Variants in SMYD3 observed in about 807,000 individuals in gnomAD.
The protein encoded by SMYD3 is SET and MYND domain containing 3, also known as histone-lysine N-methyltransferase SMYD3.
A neutral mutation model predicts 57.7 loss-of-function variants in SMYD3; 36 were observed. The observed-to-expected ratio is 0.62, with a 90% CI of 0.48 to 0.82. The LOEUF (loss-of-function observed/expected upper bound fraction) is 0.82. Ranked by LOEUF, SMYD3 falls within the 40% of genes least tolerant of loss-of-function variation. The pLI, the probability that SMYD3 is intolerant of heterozygous loss-of-function variation, is 0.00. For synonymous variants in SMYD3, 211 were observed against 195.0 expected, an observed-to-expected ratio of 1.08 and a Z score of -0.68; for missense variants, 515 against 538.8, an observed-to-expected ratio of 0.96 and a Z score of 0.44.
At chr1:246,205,176 A>T (rs565962377) in intron 5 of SMYD3, among the ~76,000 whole-genome samples, 1 of 152,360 alleles carries the variant, frequency 6.6e-6, no homozygotes, top group East Asian at 1.9e-4. Context: ...TGGAATTTAG[A>T]CGTAAGAAGA....
At chr1:246,498,772 T>C in intron 1 of SMYD3, among the ~76,000 whole-genome samples, 1 of 150,832 alleles carries the variant, frequency 6.6e-6, no homozygotes, top group Non-Finnish European at 1.5e-5. Flanking sequence ...TACTTGCTTA[T>C]CTTAAAAAGA....
In SMYD3 at chr1:245,951,149, T is replaced by C. The variant is rs373212073; in HGVS notation, c.532-21212A>G. ...GCACATTGTTTCTGCATCACTCTTA[T>C]TACCTGCAAACCAGGGGATGGATAA... is the stretch of plus-strand genomic sequence containing the variant. On this transcript the variant is annotated intron_variant, in intron 5 of 11. Coordinates refer to ENST00000490107, the MANE Select transcript of SMYD3 (RefSeq NM_001167740.2). Among the ~76,000 whole-genome samples the C allele has an allele frequency of 4.6e-5, 7 of 152,226 alleles. No homozygotes were observed. The East Asian group carries it at 1.4e-3, about 30-fold the overall frequency.
chr1:245,977,815 T>C (rs1335583732), intron 5 of SMYD3, among the ~76,000 whole-genome samples: 2 of 152,246 alleles, frequency 1.3e-5, no homozygotes, highest in Admixed American at 6.5e-5. Flanking sequence ...CCTCTGAAGG[T>C]TGGCCCCATG....
intron 5 of SMYD3, among the ~76,000 whole-genome samples, chr1:246,238,675 T>C (rs2148469065): frequency 6.6e-6 from 1 of 152,304 alleles, no homozygotes. Flanking sequence ...TACCTGCAAT[T>C]CTTTCTTACA....
chr1:245,973,983 T>A (rs2058362619), intron 5 of SMYD3, among the ~76,000 whole-genome samples: 1 of 150,440 alleles, frequency 6.6e-6, no homozygotes, highest in South Asian at 2.1e-4. Context: ...TTTAACAAAA[T>A]CATCATCATT....
rs191241807 is a variant in SMYD3, at chr1:246,490,426, T to G, written c.164+16628A>C. ...CTGAGACATTTATTGAACATCCTTG[T>G]GTACTTAGCAATGAACTAGGGTCTT... On this transcript the variant is annotated intron_variant, in intron 1 of 11. Transcript: ENST00000490107. Among the ~76,000 whole-genome samples, 20 of 152,344 alleles carry G rather than the reference T, an allele frequency of 1.3e-4. No homozygotes were observed. In the East Asian group the frequency reaches 3.3e-3, roughly 25 times the overall value.
At chr1:246,091,925 AC>A (rs2060830083) in intron 5 of SMYD3, among the ~76,000 whole-genome samples, 1 of 152,340 alleles carries the variant, frequency 6.6e-6, no homozygotes, top group East Asian at 1.9e-4. Flanking sequence ...AGGTGTCTTA[AC>A]CACATTATCA....
chr1:246,350,427 G>A (rs556288526), intron 2 of SMYD3, among the ~76,000 whole-genome samples: 5 of 152,300 alleles, frequency 3.3e-5, no homozygotes, highest in Non-Finnish European at 7.4e-5. Flanking sequence ...CCAGAAAAGA[G>A]ACCATGGTAA....
Position 246,507,184 on chromosome 1 carries a change from C to T in SMYD3, c.34G>A (p.Ala12Thr). ...EPLKVEKFAT[A>T]KRGNGLRAVT... ...GCGCGCAGCCCGTTTCCCCTCTTGG[C>T]GGTTGCGAACTTTTCCACCTTCAGC... The change falls in exon 1 of 12, where the codon GCC becomes ACC. Residue 12 changes from alanine to threonine, a missense_variant. Coordinates refer to ENST00000490107, the MANE Select transcript of SMYD3 (RefSeq NM_001167740.2). 2.0e-6 allele frequency: 3 copies of T among 1,528,104 alleles called. No homozygotes were observed. The highest frequency in any genetic ancestry group is 1.8e-6 in the Non-Finnish European group (2 of 1,137,630). 94.7% of individuals were successfully genotyped at this position (1,528,104 alleles called of 1,614,324 possible).
intron 8 of SMYD3, among the ~76,000 whole-genome samples, chr1:245,870,465 G>A (rs1221728420): frequency 6.6e-6 from 1 of 152,142 alleles, no homozygotes; most frequent in Non-Finnish European, 1.5e-5. Flanking sequence ...ACACCATCCT[G>A]AGATTCTAAT....
At chr1:246,187,021 G>T in intron 5 of SMYD3, 1 of 770,834 alleles carries the variant, frequency 1.3e-6, no homozygotes, top group Non-Finnish European at 1.6e-6. Flanking sequence ...TAGGTGTGAT[G>T]TGCTAGATAA....
intron 2 of SMYD3, among the ~76,000 whole-genome samples, chr1:246,341,860 G>A (rs1006031719): frequency 6.6e-5 from 10 of 152,128 alleles, no homozygotes; most frequent in African/African-American, 2.4e-4. Context: ...TTATTGTTTG[G>A]GATAGAGTGT....
At chr1:246,435,752 ATACAAGAAT>A (rs1224824006) in intron 1 of SMYD3, among the ~76,000 whole-genome samples, 4 of 152,242 alleles carry the variant, frequency 2.6e-5, no homozygotes, top group African/African-American at 9.6e-5. Context: ...CAAGGAGAAG[ATACAAGAAT>A]TCCAAGAATT....
chr1:246,120,204 T>C (rs1339301393), intron 5 of SMYD3, among the ~76,000 whole-genome samples: 1 of 152,200 alleles, frequency 6.6e-6, no homozygotes, highest in Non-Finnish European at 1.5e-5. Context: ...GCCTCTGGAA[T>C]GAAGGATTTA....
At chr1:246,352,094 A>G (rs4654102) in intron 2 of SMYD3, among the ~76,000 whole-genome samples, 132,713 of 144,604 alleles carry the variant, frequency 0.92, 60,985 homozygotes, top group East Asian at 1. Flanking sequence ...CTGAGACGGC[A>G]CCACTGCACC....
chr1:246,227,559 G>C (rs1285560512), intron 5 of SMYD3, among the ~76,000 whole-genome samples: 1 of 151,996 alleles, frequency 6.6e-6, no homozygotes, highest in Admixed American at 6.6e-5. Context: ...AGGTTGCAGT[G>C]AGCTGAGATT....
rs189541768 is a variant in SMYD3, at chr1:246,202,936, G to C, written c.531+124265C>G. ...AGGTCAGGAGTTCGAGACCAGCCTG[G>C]CCAATATGGGAAAACCCGTCTCTAC... On this transcript the variant is annotated intron_variant, in intron 5 of 11. Transcript: ENST00000490107. The surrounding 1 kb of genome is among the most constrained non-coding windows in gnomAD (Gnocchi z 4.1). Among the ~76,000 whole-genome samples, 296 of 152,150 alleles carry C rather than the reference G, an allele frequency of 1.9e-3. 2 individuals are homozygous for C. Among genetic ancestry groups the C allele is most frequent in the African/African-American group, 6.8e-3 (282 of 41,514 alleles).
intron 5 of SMYD3, among the ~76,000 whole-genome samples, chr1:246,095,735 A>G (rs1192746405): frequency 6.6e-6 from 1 of 152,206 alleles, no homozygotes; most frequent in African/African-American, 2.4e-5. Flanking sequence ...AACTAAGCCT[A>G]GCATGGCGGC....
chr1:245,815,995 G>A (rs910343764), intron 10 of SMYD3, among the ~76,000 whole-genome samples: 5 of 152,118 alleles, frequency 3.3e-5, no homozygotes, highest in African/African-American at 1.2e-4. Context: ...GGTAAGTTGC[G>A]GCATGCCATT....
Sources: allele counts gnomAD v4.1 joint callset (sites outside exome capture counted in the v4.1 genomes callset), GRCh38; gene constraint gnomAD v4.1.1; non-coding constraint Gnocchi (gnomAD v3.1); transcripts MANE v1.5; gene names NCBI Gene and HGNC (gene_info 2026-07-23, HGNC 2026-07-21).